Variants in USP7 observed in about 807,000 individuals in gnomAD.
The protein encoded by USP7 is ubiquitin specific peptidase 7.
In USP7, 9 loss-of-function variants were observed where a neutral mutation model predicts 162.9. The ratio of observed to expected loss-of-function variants is 0.06; its 90% CI spans 0.03 to 0.10. The LOEUF is 0.10. Ranked by LOEUF, USP7 falls within the 10% of genes least tolerant of loss-of-function variation. The pLI is 1.00. For synonymous variants in USP7, 562 were observed against 475.9 expected (o/e 1.18, Z -2.35); for missense variants, 715 against 1,373.7 (o/e 0.52, Z 7.58).
At chr16:8,961,506 G>C (rs1488409571) in intron 1 of USP7, among the ~76,000 whole-genome samples, 17 of 125,122 alleles carry the variant, frequency 1.4e-4, no homozygotes, top group South Asian at 3.0e-4. Flanking sequence ...AAAAAAAAAG[G>C]GGGGGGGGGG....
chr16:8,936,560 C>G (rs1376862546), intron 1 of USP7: 2 of 1,524,902 alleles, frequency 1.3e-6, no homozygotes, highest in Admixed American at 2.1e-5. Flanking sequence ...GCATAAGGAG[C>G]TCAACCTGAA....
intron 1 of USP7, among the ~76,000 whole-genome samples, chr16:8,932,083 A>T (rs1898383981): frequency 6.6e-6 from 1 of 152,176 alleles, no homozygotes; most frequent in East Asian, 1.9e-4. Flanking sequence ...AACTCTCCAA[A>T]ACCCCAACGC....
At position 8,919,058 on chromosome 16, in the gene USP7, C is replaced by T. The variant is rs777266614; in HGVS notation, c.693G>A (p.Thr231=). ...TTCGTAGCTGATTCGTGAAAAATAA[C>T]GTCTGTAGCAGGCTGTTCATGTAAC... ...ATCYMNSLLQ[T]LFFTNQLRKA... Residue 231 remains threonine, a synonymous_variant, in exon 6 of 31, where the codon ACG becomes ACA. Transcript: ENST00000344836. The T allele has an allele frequency of 4.1e-5, 66 of 1,613,728 alleles. 1 individual carries two copies. Among genetic ancestry groups the T allele is most frequent in the South Asian group, 6.6e-5 (6 of 91,078 alleles).
chr16:8,926,797 T>C (rs1209016732), intron 2 of USP7, among the ~76,000 whole-genome samples: 1 of 152,200 alleles, frequency 6.6e-6, no homozygotes, highest in East Asian at 1.9e-4. Context: ...TGCTTCTTTT[T>C]ACTGTAAATG....
chr16:8,900,788 A>C (rs990102383), intron 20 of USP7, 158 bp from the exon 21 acceptor site: 23 of 715,292 alleles, frequency 3.2e-5, no homozygotes, highest in Middle Eastern at 2.9e-4. Flanking sequence ...TAAATCCACA[A>C]ATATGTAACA....
chr16:8,950,127 T>C (rs1391361362), intron 1 of USP7, among the ~76,000 whole-genome samples: 1 of 152,254 alleles, frequency 6.6e-6, no homozygotes, highest in Non-Finnish European at 1.5e-5. Context: ...ATGTACTTAT[T>C]GAGCACATGA....
intron 2 of USP7, among the ~76,000 whole-genome samples, chr16:8,925,665 G>A (rs1050497425): frequency 1.3e-5 from 2 of 152,236 alleles, no homozygotes; most frequent in East Asian, 1.9e-4. Flanking sequence ...CTGTGCCCCC[G>A]AGTGTGGCAC....
intron 1 of USP7, among the ~76,000 whole-genome samples, chr16:8,951,882 TATGCCACCAA>T (rs1899570720): frequency 6.6e-6 from 1 of 152,236 alleles, no homozygotes; most frequent in Admixed American, 6.5e-5. Context: ...CATCTCTTTT[TATGCCACCAA>T]ATGCCACCTG....
chr16:8,933,251 TA>T (rs1898475923), intron 1 of USP7, among the ~76,000 whole-genome samples: 1 of 152,060 alleles, frequency 6.6e-6, no homozygotes, highest in Non-Finnish European at 1.5e-5. Flanking sequence ...AATAGAATGT[TA>T]AAAAAATTTA....
At chr16:8,916,115 C>T (rs1051657401) in intron 8 of USP7, among the ~76,000 whole-genome samples, 5 of 152,196 alleles carry the variant, frequency 3.3e-5, no homozygotes, top group Non-Finnish European at 7.3e-5. Flanking sequence ...TCAATGAGAA[C>T]CTCGCTGCAC....
chr16:8,894,469 G>A, intron 30 of USP7, 81 bp downstream of exon 30: 1 of 1,437,894 alleles, frequency 7.0e-7, no homozygotes, highest in African/African-American at 1.4e-5. Context: ...ACTTGACCCT[G>A]GGGCTGCCCC....
chr16:8,900,057 G>A, intron 21 of USP7: 1 of 463,912 alleles, frequency 2.2e-6, no homozygotes, highest in Non-Finnish European at 3.9e-6. Context: ...CCCAGACGCA[G>A]TGTCTTGCCC....
chr16:8,916,954 T>G, intron 7 of USP7, 72 bp downstream of exon 7: 1 of 1,451,918 alleles, frequency 6.9e-7, no homozygotes, highest in Non-Finnish European at 9.0e-7. Context: ...TTTTCTATTC[T>G]CTACTCACTT....
At chr16:8,918,896 G>A in intron 6 of USP7, 135 bp downstream of exon 6, 2 of 830,028 alleles carry the variant, frequency 2.4e-6, no homozygotes, top group South Asian at 1.5e-5. Flanking sequence ...TGAAAACGCA[G>A]CATGAACTAG....
chr16:8,951,916 G>C (rs1446846557), intron 1 of USP7, among the ~76,000 whole-genome samples: 1 of 152,216 alleles, frequency 6.6e-6, no homozygotes, highest in Non-Finnish European at 1.5e-5. Context: ...TGTATCAGTG[G>C]CCCTGGACTA....
At chr16:8,901,818 A>G in intron 18 of USP7, 1 of 467,886 alleles carries the variant, frequency 2.1e-6, no homozygotes, top group Non-Finnish European at 3.8e-6. Context: ...GGATCTGACC[A>G]ACGTGATTAG....
At chr16:8,937,282 C>T (rs569188556) in intron 1 of USP7, among the ~76,000 whole-genome samples, 2 of 152,164 alleles carry the variant, frequency 1.3e-5, no homozygotes, top group Admixed American at 6.5e-5. Flanking sequence ...GGGTGGCTCA[C>T]GCCTGTAATC....
intron 13 of USP7, among the ~76,000 whole-genome samples, chr16:8,906,051 A>G (rs1341408271): frequency 1.3e-5 from 2 of 152,090 alleles, no homozygotes; most frequent in African/African-American, 2.4e-5. Context: ...TGAGATCCCC[A>G]TGAGAGGAAA....
At position 8,902,779 on chromosome 16, in the gene USP7, T is replaced by C. The variant is rs4985062; in HGVS notation, c.1840-297A>G. On this transcript the variant is annotated intron_variant, in intron 16 of 30. Coordinates refer to ENST00000344836, the MANE Select transcript of USP7 (RefSeq NM_003470.3). ...GACGGGTGCCTGTAATCCCAGCTAC[T>C]TGGGAGGCTGAGGCAGGAGAATTGC... Among the ~76,000 whole-genome samples, 54,418 of 151,890 alleles carry C rather than the reference T, an allele frequency of 0.36. 12,140 individuals are homozygous for C. Among genetic ancestry groups the C allele is most frequent in the East Asian group, 0.66 (3,430 of 5,164 alleles).
Sources: gnomAD v4.1 joint callset for allele counts (sites outside exome capture counted in the v4.1 genomes callset) on GRCh38, gnomAD v4.1.1 for gene constraint, MANE v1.5 for transcripts, NCBI Gene and HGNC (gene_info 2026-07-23, HGNC 2026-07-21) for gene names.